PCMTD1: variants seen among roughly 807,000 people sequenced by gnomAD.
The protein encoded by PCMTD1 is protein-L-isoaspartate (D-aspartate) O-methyltransferase domain containing 1, also known as protein-L-isoaspartate O-methyltransferase domain-containing protein 1.
PCMTD1 carries 12 observed loss-of-function variants against 37.6 expected under a neutral mutation model. The observed-to-expected ratio is 0.32, with a 90% CI of 0.20 to 0.52. PCMTD1 has a LOEUF of 0.52. Ranked by LOEUF, PCMTD1 falls within the 20% of genes least tolerant of loss-of-function variation. The pLI, the probability that PCMTD1 is intolerant of heterozygous loss-of-function variation, is 0.97. For missense variants in PCMTD1, 235 were observed against 421.3 expected (o/e 0.56, Z 3.87); for synonymous variants, 117 against 135.8 (o/e 0.86, Z 0.96).
At chr8:51,840,306 T>C (rs1248277996) in intron 3 of PCMTD1, among the ~76,000 whole-genome samples, 3 of 152,106 alleles carry the variant, frequency 2.0e-5, no homozygotes, top group Admixed American at 1.3e-4. Context: ...CCTAAAAATG[T>C]GTTTGAAGCC....
At chr8:51,871,402 A>C (rs2038637244) in intron 1 of PCMTD1, among the ~76,000 whole-genome samples, 1 of 152,216 alleles carries the variant, frequency 6.6e-6, no homozygotes, top group Admixed American at 6.5e-5. Flanking sequence ...TTAAATTAAG[A>C]GTAGCTGCCC....
intron 3 of PCMTD1, among the ~76,000 whole-genome samples, chr8:51,842,848 A>G (rs1035560543): frequency 6.6e-6 from 1 of 152,170 alleles, no homozygotes; most frequent in African/African-American, 2.4e-5. Context: ...CTGGAAGAAT[A>G]TTAGGTTTCA....
chr8:51,840,888 T>A (rs2038138508), intron 3 of PCMTD1, among the ~76,000 whole-genome samples: 1 of 152,166 alleles, frequency 6.6e-6, no homozygotes, highest in Non-Finnish European at 1.5e-5. Context: ...GGTATGCTCT[T>A]TAATATAAAT....
At chr8:51,878,097 C>A (rs1364944902) in intron 1 of PCMTD1, among the ~76,000 whole-genome samples, 1 of 152,132 alleles carries the variant, frequency 6.6e-6, no homozygotes, top group Non-Finnish European at 1.5e-5. Flanking sequence ...TAAAAAGATA[C>A]ATAAATGTAA....
At chr8:51,835,170 C>G (rs1309867471) in intron 3 of PCMTD1, among the ~76,000 whole-genome samples, 2 of 152,308 alleles carry the variant, frequency 1.3e-5, no homozygotes, top group African/African-American at 4.8e-5. Flanking sequence ...CTTACAGGAA[C>G]CATCACACAG....
intron 5 of PCMTD1, among the ~76,000 whole-genome samples, chr8:51,829,091 A>T (rs1469803722): frequency 6.6e-6 from 1 of 152,208 alleles, no homozygotes; most frequent in Non-Finnish European, 1.5e-5. Flanking sequence ...GAATTACGAA[A>T]GGTTGAAAAT....
intron 4 of PCMTD1, among the ~76,000 whole-genome samples, chr8:51,832,301 G>C (rs1398783015): frequency 6.6e-6 from 1 of 152,196 alleles, no homozygotes; most frequent in Non-Finnish European, 1.5e-5. Context: ...GTTTAACTGG[G>C]AGTTTAAGCC....
At chr8:51,871,789 C>T (rs865887804) in intron 1 of PCMTD1, among the ~76,000 whole-genome samples, 9 of 152,170 alleles carry the variant, frequency 5.9e-5, no homozygotes, top group South Asian at 2.1e-4. Context: ...ATGCTCCCAA[C>T]GGCTACAGCA....
chr8:51,870,008 G>T (rs2038615714), intron 1 of PCMTD1, among the ~76,000 whole-genome samples: 1 of 152,138 alleles, frequency 6.6e-6, no homozygotes, highest in African/African-American at 2.4e-5. Flanking sequence ...ACAATATTAT[G>T]GTGTCTCTTA....
intron 2 of PCMTD1, among the ~76,000 whole-genome samples, chr8:51,854,043 T>C (rs1033520191): frequency 4.6e-5 from 7 of 152,184 alleles, no homozygotes; most frequent in African/African-American, 1.7e-4. Context: ...ATTTGCTACA[T>C]AGACAATCTT....
chr8:51,871,900 A>G (rs2038644750), intron 1 of PCMTD1, among the ~76,000 whole-genome samples: 2 of 152,194 alleles, frequency 1.3e-5, no homozygotes, highest in Non-Finnish European at 1.5e-5. Flanking sequence ...TTTTAAAAAG[A>G]AGCTCTCTTG....
At chr8:51,832,208 G>C (rs1421851569) in intron 4 of PCMTD1, among the ~76,000 whole-genome samples, 2 of 152,156 alleles carry the variant, frequency 1.3e-5, no homozygotes. Flanking sequence ...TAGAGTAAAT[G>C]TTTAACAAAA....
chr8:51,853,357 T>C (rs779102348), intron 2 of PCMTD1, among the ~76,000 whole-genome samples: 2 of 152,042 alleles, frequency 1.3e-5, no homozygotes, highest in Non-Finnish European at 2.9e-5. Flanking sequence ...CAGTCCAATA[T>C]CCAACTCAGC....
intron 5 of PCMTD1, 95 bp from the exon 6 acceptor site, chr8:51,820,813 A>G: frequency 7.6e-7 from 1 of 1,317,318 alleles, no homozygotes; most frequent in South Asian, 1.6e-5. Flanking sequence ...GTTTCTTAGC[A>G]TATTTTAGAA....
chr8:51,852,717 A>C (rs565641684), intron 2 of PCMTD1, among the ~76,000 whole-genome samples: 1 of 152,334 alleles, frequency 6.6e-6, no homozygotes, highest in Admixed American at 6.5e-5. Flanking sequence ...TTGAATTTTC[A>C]GCCCTGTGAT....
intron 3 of PCMTD1, among the ~76,000 whole-genome samples, chr8:51,834,706 G>A (rs186565870): frequency 2.8e-4 from 42 of 148,730 alleles, no homozygotes; most frequent in Non-Finnish European, 5.4e-4. Flanking sequence ...AATATACCCT[G>A]TCCTTTAGTA....
chr8:51,833,521 A>G lies in PCMTD1; in HGVS notation c.579T>C (p.Asp193=). ...AGAAAAGGAGAGTGGAAGTTACCTGATCCTCTATAGGCATGACTAATATGC... is the reference window on the plus strand; with the variant it reads ...AGAAAAGGAGAGTGGAAGTTACCTGGTCCTCTATAGGCATGACTAATATGC... The part of the protein sequence containing the change: ...VGGILVMPIE[D]QLTQIMRTGQ... Residue 193 remains aspartate (D), a synonymous_variant, in exon 4 of 6, where the codon GAT becomes GAC. Transcript: ENST00000522514. 1 of 1,604,206 alleles carries G rather than the reference A, an allele frequency of 6.2e-7. No homozygotes were observed. Among genetic ancestry groups the G allele is most frequent in the Non-Finnish European group, 8.5e-7 (1 of 1,175,828 alleles).
chr8:51,895,767 T>C (rs1585866950), intron 1 of PCMTD1, among the ~76,000 whole-genome samples: 1 of 152,144 alleles, frequency 6.6e-6, no homozygotes, highest in East Asian at 1.9e-4. Flanking sequence ...ACATCCAATG[T>C]TACGTTGACC....
intron 1 of PCMTD1, among the ~76,000 whole-genome samples, chr8:51,875,979 C>CA (rs2038706946): frequency 6.6e-6 from 1 of 151,794 alleles, no homozygotes; most frequent in African/African-American, 2.4e-5. Flanking sequence ...TGTGTGTGTG[C>CA]ATGTGCGTGC....
Sources: gnomAD v4.1 joint callset for allele counts (sites outside exome capture counted in the v4.1 genomes callset) on GRCh38, gnomAD v4.1.1 for gene constraint, MANE v1.5 for transcripts, NCBI Gene and HGNC (gene_info 2026-07-23, HGNC 2026-07-21) for gene names.